Variants in PLXDC2 observed in about 807,000 individuals in gnomAD.
The protein encoded by PLXDC2 is plexin domain-containing protein 2.
PLXDC2 carries 40 observed loss-of-function variants against 68.9 expected under a neutral mutation model. That is an observed-to-expected ratio of 0.58 (90% CI 0.45 to 0.76). The LOEUF (loss-of-function observed/expected upper bound fraction) is 0.76. Among genes scored for constraint, PLXDC2 ranks in the 30% least tolerant of loss-of-function variants. PLXDC2 has a pLI of 0.00. For synonymous variants in PLXDC2, 243 were observed against 234.2 expected (o/e 1.04, Z -0.34); for missense variants, 644 against 661.9 (o/e 0.97, Z 0.30).
chr10:20,200,112 T>A (rs1201101383), intron 9 of PLXDC2, among the ~76,000 whole-genome samples: 1 of 151,372 alleles, frequency 6.6e-6, no homozygotes, highest in Non-Finnish European at 1.5e-5. Context: ...CTTCACTATG[T>A]AAATATACAA....
chr10:20,018,584 C>T (rs959243548), intron 2 of PLXDC2, among the ~76,000 whole-genome samples: 9 of 152,072 alleles, frequency 5.9e-5, no homozygotes, highest in Admixed American at 3.9e-4. Flanking sequence ...TGCTTATAAG[C>T]GGTTTACTAC....
Position 20,060,520 on chromosome 10 carries a change from G to T in PLXDC2, c.472-7650G>T, listed in dbSNP as rs146162535. ...AAAAAAAAAAAAAAAAGTCATTGAG[G>T]CTGGGCTGGTCGCTGGGCGAGCAGG... On this transcript the variant is annotated intron_variant, in intron 3 of 13. Transcript: ENST00000377252. Among the ~76,000 whole-genome samples the T allele has an allele frequency of 4.0e-5, 6 of 151,586 alleles. No individual in the cohort carries two copies. In the South Asian group the frequency reaches 6.3e-4, roughly 16 times the overall value.
At chr10:19,909,255 C>T (rs1219204400) in intron 1 of PLXDC2, among the ~76,000 whole-genome samples, 1 of 152,172 alleles carries the variant, frequency 6.6e-6, no homozygotes, top group Admixed American at 6.5e-5. Flanking sequence ...ACACCACACA[C>T]TCACACACAG....
chr10:20,274,833 A>G (rs532697636), intron 13 of PLXDC2, among the ~76,000 whole-genome samples: 2 of 152,044 alleles, frequency 1.3e-5, no homozygotes, highest in East Asian at 1.9e-4. Context: ...ACAATTGACA[A>G]ATAAAATACA....
intron 1 of PLXDC2, among the ~76,000 whole-genome samples, chr10:19,879,188 G>C (rs1837685096): frequency 6.6e-6 from 1 of 152,118 alleles, no homozygotes; most frequent in Non-Finnish European, 1.5e-5. Flanking sequence ...AGGTAATTAA[G>C]ACCCTGAAAA....
At chr10:20,136,053 C>A (rs890061238) in intron 4 of PLXDC2, among the ~76,000 whole-genome samples, 3 of 152,106 alleles carry the variant, frequency 2.0e-5, no homozygotes, top group Admixed American at 1.3e-4. Context: ...TGGTGATTGA[C>A]AATATTATAG....
intron 1 of PLXDC2, among the ~76,000 whole-genome samples, chr10:19,818,840 T>G (rs1480742570): frequency 6.6e-6 from 1 of 152,110 alleles, no homozygotes; most frequent in Non-Finnish European, 1.5e-5. Flanking sequence ...ATAAAAACAA[T>G]TAACTCCACC....
At chr10:19,964,769 C>G (rs1348294412) in intron 1 of PLXDC2, among the ~76,000 whole-genome samples, 2 of 152,096 alleles carry the variant, frequency 1.3e-5, no homozygotes. Flanking sequence ...ATCTCCTAAC[C>G]TTAGCAGAGT....
At chr10:19,921,027 A>C (rs1833453688) in intron 1 of PLXDC2, among the ~76,000 whole-genome samples, 1 of 151,944 alleles carries the variant, frequency 6.6e-6, no homozygotes, top group Non-Finnish European at 1.5e-5. Flanking sequence ...TCCTGGGCTC[A>C]AACAGTCTTC....
In PLXDC2 at chr10:19,966,803, T is replaced by G. The variant is rs569757580; in HGVS notation, c.113-34972T>G. Among the ~76,000 whole-genome samples the G allele has an allele frequency of 7.1e-5, 8 of 111,918 alleles. No homozygotes were observed. In the East Asian group the frequency reaches 2.2e-3, roughly 30 times the overall value. 73.4% of individuals were successfully genotyped at this position (111,918 alleles called of 152,430 possible). On this transcript the variant is annotated intron_variant, in intron 1 of 13. Coordinates refer to ENST00000377252, the MANE Select transcript of PLXDC2 (RefSeq NM_032812.9). ...CCTCCTGGGAAGAGAACGGTTCGCG[T>G]TACCATTTTTTTTTTCCCCCAGCAT...
intron 13 of PLXDC2, among the ~76,000 whole-genome samples, chr10:20,248,390 A>G (rs183747547): frequency 6.6e-6 from 1 of 152,334 alleles, no homozygotes; most frequent in Non-Finnish European, 1.5e-5. Context: ...ATTTAGTTCT[A>G]TACTCTCCTA....
chr10:19,907,726 T>C lies in PLXDC2; in HGVS notation c.112+90535T>C, dbSNP rs780805936. On this transcript the variant is annotated intron_variant, in intron 1 of 13. Transcript: ENST00000377252. ...CAGTGCTCTTCAAATGCTTTTCTTG[T>C]ACATCACTTAAAAGATTGTGGAAAC... 3.2e-4 allele frequency among the ~76,000 whole-genome samples: 49 copies of C among 152,246 alleles called. 1 individual carries two copies. The highest frequency in any genetic ancestry group is 6.0e-4 in the Non-Finnish European group (41 of 68,044).
chr10:20,035,726 A>G (rs1038772769), intron 2 of PLXDC2, among the ~76,000 whole-genome samples: 15 of 152,188 alleles, frequency 9.9e-5, no homozygotes, highest in African/African-American at 3.4e-4. Context: ...TTAAAAAAGT[A>G]TATGTTTACC....
At chr10:20,228,592 CAGGAAGGA>C (rs35952817) in intron 12 of PLXDC2, among the ~76,000 whole-genome samples, 7 of 139,690 alleles carry the variant, frequency 5.0e-5, no homozygotes, top group East Asian at 2.1e-4. Flanking sequence ...GGCAGGAAGG[CAGGAAGGA>C]AGGAAGGAAG....
chr10:20,234,591 G>A (rs112327022), intron 12 of PLXDC2, among the ~76,000 whole-genome samples: 43 of 150,642 alleles, frequency 2.9e-4, no homozygotes, highest in African/African-American at 9.3e-4. Context: ...ATTAGTTCTC[G>A]TAACACAAAC....
At chr10:20,244,506 T>C (rs1588539719) in intron 12 of PLXDC2, among the ~76,000 whole-genome samples, 1 of 152,234 alleles carries the variant, frequency 6.6e-6, no homozygotes, top group Non-Finnish European at 1.5e-5. Flanking sequence ...TTGAGGGTCA[T>C]TAAGCATCCA....
chr10:19,874,290 G>A (rs547378017), intron 1 of PLXDC2, among the ~76,000 whole-genome samples: 4 of 152,056 alleles, frequency 2.6e-5, no homozygotes, highest in African/African-American at 9.7e-5. Context: ...TTTCTGTTTG[G>A]AAACAATTTC....
intron 12 of PLXDC2, among the ~76,000 whole-genome samples, chr10:20,229,268 AAT>A (rs1031888379): frequency 6.6e-6 from 1 of 152,066 alleles, no homozygotes; most frequent in African/African-American, 2.4e-5. Context: ...AGACACAAGT[AAT>A]ATGGTGAGAG....
At chr10:19,889,147 T>C (rs1368717805) in intron 1 of PLXDC2, among the ~76,000 whole-genome samples, 1 of 152,098 alleles carries the variant, frequency 6.6e-6, no homozygotes, top group African/African-American at 2.4e-5. Context: ...CATTTCCTCC[T>C]TGTTTATGAC....
Sources: gnomAD v4.1 joint callset for allele counts (sites outside exome capture counted in the v4.1 genomes callset) on GRCh38, gnomAD v4.1.1 for gene constraint, MANE v1.5 for transcripts, NCBI Gene and HGNC (gene_info 2026-07-23, HGNC 2026-07-21) for gene names.